Variants in MSRA observed in about 807,000 individuals in gnomAD.
MSRA encodes the protein mitochondrial peptide methionine sulfoxide reductase.
A neutral mutation model predicts 31.3 loss-of-function variants in MSRA; 54 were observed. The observed-to-expected ratio is 1.73, with a 90% CI of 1.39 to 2.17. MSRA has a LOEUF of 2.17. MSRA is among the 30% of genes most tolerant of loss of function. The pLI is 0.00. For synonymous variants in MSRA, 169 were observed against 116.5 expected (o/e 1.45, Z -2.90); for missense variants, 507 against 300.9 (o/e 1.69, Z -5.07).
chr8:10,081,147 A>G (rs781445525), intron 1 of MSRA, among the ~76,000 whole-genome samples: 2 of 152,220 alleles, frequency 1.3e-5, no homozygotes, highest in Non-Finnish European at 2.9e-5. Context: ...GGCCATCCAC[A>G]GCAACAGCAG....
intron 2 of MSRA, among the ~76,000 whole-genome samples, chr8:10,227,741 G>A (rs533432591): frequency 2.2e-4 from 33 of 152,202 alleles, no homozygotes; most frequent in Non-Finnish European, 4.1e-4. Flanking sequence ...GAATGATGTG[G>A]ACAGAAGGTA....
At chr8:10,289,843 A>G (rs1800138024) in intron 3 of MSRA, among the ~76,000 whole-genome samples, 1 of 152,142 alleles carries the variant, frequency 6.6e-6, no homozygotes, top group Non-Finnish European at 1.5e-5. Context: ...ACTAACATAG[A>G]TCCTAAACAT....
intron 5 of MSRA, among the ~76,000 whole-genome samples, chr8:10,360,801 G>A (rs79962782): frequency 0.019 from 2,856 of 152,298 alleles, 41 homozygotes; most frequent in Non-Finnish European, 0.032. Context: ...CTCTAGTGGG[G>A]GAGAGTGGCT....
intron 5 of MSRA, among the ~76,000 whole-genome samples, chr8:10,340,609 GT>G (rs1459923946): frequency 6.6e-6 from 1 of 152,240 alleles, no homozygotes; most frequent in African/African-American, 2.4e-5. Flanking sequence ...CTGGCCTCAA[GT>G]GATCCGCCTG....
At chr8:10,304,617 AG>A (rs1478141130) in intron 4 of MSRA, among the ~76,000 whole-genome samples, 1 of 152,218 alleles carries the variant, frequency 6.6e-6, no homozygotes, top group African/African-American at 2.4e-5. Context: ...GACCAGAGGC[AG>A]GGGAGAGCCA....
intron 1 of MSRA, among the ~76,000 whole-genome samples, chr8:10,150,132 G>A (rs141334419): frequency 4.7e-4 from 71 of 152,054 alleles, no homozygotes; most frequent in Non-Finnish European, 9.4e-4. Flanking sequence ...AAAATGCAGA[G>A]AAGTTCTAAG....
intron 5 of MSRA, among the ~76,000 whole-genome samples, chr8:10,340,958 G>A (rs6601441): frequency 1.3e-5 from 2 of 151,966 alleles, no homozygotes; most frequent in African/African-American, 4.8e-5. Context: ...CAACAAATAC[G>A]TTGATGTGGA....
At chr8:10,171,679 C>T (rs1172613468) in intron 1 of MSRA, among the ~76,000 whole-genome samples, 1 of 152,190 alleles carries the variant, frequency 6.6e-6, no homozygotes, top group Non-Finnish European at 1.5e-5. Flanking sequence ...GATTATATTA[C>T]TGGAAAAAGC....
intron 1 of MSRA, among the ~76,000 whole-genome samples, chr8:10,079,244 G>C (rs976624543): frequency 3.3e-5 from 5 of 152,104 alleles, no homozygotes; most frequent in South Asian, 2.1e-4. Context: ...CTGCAGCCTC[G>C]ACATCCTGGG....
rs1025506548 is a variant in MSRA at position 10,365,876 on chromosome 8, C to T, written c.543+45887C>T. 2.6e-5 allele frequency among the ~76,000 whole-genome samples: 4 copies of T among 152,230 alleles called. No homozygotes were observed. The East Asian group carries it at 5.8e-4, about 22-fold the overall frequency. The stretch of plus-strand genomic sequence containing the variant: ...GATGCTGTGAACCCAGGACTCCTGG[C>T]TCCAGGCATCTCGTTCTGCTCTCCA... On this transcript the variant is annotated intron_variant, in intron 5 of 5. Coordinates refer to ENST00000317173, the MANE Select transcript of MSRA (RefSeq NM_012331.5).
chr8:10,267,417 A>G (rs763003206), intron 3 of MSRA, among the ~76,000 whole-genome samples: 7 of 152,118 alleles, frequency 4.6e-5, no homozygotes, highest in Non-Finnish European at 1.0e-4. Context: ...GTGTAGGGAT[A>G]TGTGGCTTTT....
At chr8:10,078,658 A>G (rs986844996) in intron 1 of MSRA, among the ~76,000 whole-genome samples, 2 of 152,278 alleles carry the variant, frequency 1.3e-5, no homozygotes, top group African/African-American at 4.8e-5. Context: ...GGAGAGGCTG[A>G]GGCCCACGGG....
chr8:10,173,313 A>G (rs1302779473), intron 1 of MSRA, among the ~76,000 whole-genome samples: 8 of 152,244 alleles, frequency 5.3e-5, no homozygotes, highest in African/African-American at 1.9e-4. Context: ...TGTGTCAGCA[A>G]TATCACACCC....
At chr8:10,116,997 G>T (rs186633145) in intron 1 of MSRA, among the ~76,000 whole-genome samples, 31 of 152,270 alleles carry the variant, frequency 2.0e-4, no homozygotes, top group Middle Eastern at 3.4e-3. Flanking sequence ...TTGAGGCAGA[G>T]GCTCAAATGT....
At chr8:10,355,150 A>G (rs1186457072) in intron 5 of MSRA, among the ~76,000 whole-genome samples, 2 of 152,194 alleles carry the variant, frequency 1.3e-5, no homozygotes, top group African/African-American at 2.4e-5. Flanking sequence ...TTATCAGCCT[A>G]CAACACTACG....
chr8:10,059,183 T>G (rs1802562628), intron 1 of MSRA: 3 of 151,978 alleles, frequency 2.0e-5, no homozygotes, highest in Non-Finnish European at 2.9e-5. Context: ...GAAAAAAAGG[T>G]TGGATCTCTA....
intron 5 of MSRA, among the ~76,000 whole-genome samples, chr8:10,322,424 A>G (rs1802096013): frequency 1.3e-5 from 2 of 152,196 alleles, no homozygotes; most frequent in Admixed American, 1.3e-4. Flanking sequence ...AGAACTTGGA[A>G]CTTCACTGGA....
intron 2 of MSRA, among the ~76,000 whole-genome samples, chr8:10,214,362 G>T (rs757615327): frequency 1.3e-5 from 2 of 152,038 alleles, no homozygotes; most frequent in South Asian, 4.2e-4. Context: ...ACAAGAAATC[G>T]TTTCCTGTCT....
chr8:10,098,923 A>C (rs1585141648), intron 1 of MSRA, among the ~76,000 whole-genome samples: 1 of 152,222 alleles, frequency 6.6e-6, no homozygotes, highest in Non-Finnish European at 1.5e-5. Context: ...TGGCCTGTTT[A>C]TGTGGGATTT....
Sources: allele counts gnomAD v4.1 joint callset (sites outside exome capture counted in the v4.1 genomes callset), GRCh38; gene constraint gnomAD v4.1.1; transcripts MANE v1.5; gene names NCBI Gene and HGNC (gene_info 2026-07-23, HGNC 2026-07-21).